The following MYO16 variants were observed in gnomAD, a reference collection of about 807,000 sequenced individuals.
MYO16 encodes unconventional myosin-XVI.
MYO16 carries 94 observed loss-of-function variants against 205.3 expected under a neutral mutation model. That is an observed-to-expected ratio of 0.46 (90% CI 0.39 to 0.54). The LOEUF (loss-of-function observed/expected upper bound fraction) is 0.54. MYO16 is among the 20% of genes least tolerant of loss of function. The pLI, the probability that MYO16 is intolerant of heterozygous loss-of-function variation, is 0.00. For synonymous variants in MYO16, 988 were observed against 954.0 expected (o/e 1.04, Z -0.66); for missense variants, 2,315 against 2,387.5 (o/e 0.97, Z 0.63).
At chr13:108,756,279 G>C (rs1187641950) in intron 4 of MYO16, among the ~76,000 whole-genome samples, 1 of 151,956 alleles carries the variant, frequency 6.6e-6, no homozygotes, top group Non-Finnish European at 1.5e-5. Flanking sequence ...ACTTTATGAA[G>C]TTTCTATAAT....
chr13:108,652,602 G>A (rs1453753107), intron 1 of MYO16, among the ~76,000 whole-genome samples: 3 of 152,082 alleles, frequency 2.0e-5, no homozygotes, highest in Non-Finnish European at 4.4e-5. Flanking sequence ...TCTACTTTCT[G>A]CTTCTGAGTT....
chr13:108,502,387 T>C, the MYO16 span, among the ~76,000 whole-genome samples: 5 of 152,230 alleles, frequency 3.3e-5, no homozygotes, highest in South Asian at 2.1e-4. Flanking sequence ...TTTTAAGTAA[T>C]GTAAGTAAAG....
chr13:109,039,450 T>C (rs1010328567), intron 23 of MYO16, among the ~76,000 whole-genome samples: 1 of 152,146 alleles, frequency 6.6e-6, no homozygotes, highest in African/African-American at 2.4e-5. Flanking sequence ...TGCTCGGCCG[T>C]AAAGCAAAAC....
At chr13:108,709,088 G>T (rs1883624937) in intron 2 of MYO16, among the ~76,000 whole-genome samples, 1 of 151,160 alleles carries the variant, frequency 6.6e-6, no homozygotes, top group Non-Finnish European at 1.5e-5. Flanking sequence ...CTTCCAAGCG[G>T]CAACACTATA....
chr13:109,065,983 G>A (rs993277418), intron 27 of MYO16, among the ~76,000 whole-genome samples: 1 of 152,192 alleles, frequency 6.6e-6, no homozygotes, highest in Non-Finnish European at 1.5e-5. Flanking sequence ...GTGAGGGACC[G>A]TGAGCTGTGT....
chr13:109,018,974 GT>G (rs1555324514), intron 22 of MYO16, among the ~76,000 whole-genome samples: 143 of 131,592 alleles, frequency 1.1e-3, no homozygotes, highest in African/African-American at 2.8e-3. Flanking sequence ...TTTTTTTTTT[GT>G]TTTTTTTTTT....
At chr13:108,944,871 A>C (rs141239464) in intron 16 of MYO16, among the ~76,000 whole-genome samples, 1 of 152,282 alleles carries the variant, frequency 6.6e-6, no homozygotes, top group East Asian at 1.9e-4. Context: ...CTAAATAGGA[A>C]CAATATTGCA....
At chr13:108,565,563 G>A in the MYO16 span, among the ~76,000 whole-genome samples, 2 of 151,962 alleles carry the variant, frequency 1.3e-5, no homozygotes, top group Non-Finnish European at 2.9e-5. Flanking sequence ...TATCAGTTCT[G>A]GTAGGTTTTT....
chr13:108,704,458 A>C (rs1883427149), intron 2 of MYO16, among the ~76,000 whole-genome samples: 1 of 152,290 alleles, frequency 6.6e-6, no homozygotes, highest in South Asian at 2.1e-4. Context: ...TATGTAACAA[A>C]CCTGCATGTT....
intron 4 of MYO16, among the ~76,000 whole-genome samples, chr13:108,763,689 C>T (rs1193711921): frequency 6.6e-6 from 1 of 151,856 alleles, no homozygotes; most frequent in Admixed American, 6.6e-5. Context: ...CCACGAGTTC[C>T]TTTTAGGATG....
chr13:109,007,848 A>AT (rs1323966113), intron 21 of MYO16, among the ~76,000 whole-genome samples: 1 of 152,138 alleles, frequency 6.6e-6, no homozygotes, highest in Non-Finnish European at 1.5e-5. Flanking sequence ...GTTGATTACT[A>AT]TTTCTGAAAG....
chr13:108,680,400 T>C (rs1357950388), intron 2 of MYO16, among the ~76,000 whole-genome samples: 2 of 152,244 alleles, frequency 1.3e-5, no homozygotes, highest in Admixed American at 6.5e-5. Context: ...TTTCCATTCA[T>C]CTTATTGAAT....
At chr13:108,825,096 T>C (rs560202885) in intron 9 of MYO16, among the ~76,000 whole-genome samples, 50 of 152,058 alleles carry the variant, frequency 3.3e-4, no homozygotes, top group African/African-American at 1.2e-3. Context: ...GATAAAAATA[T>C]CAGATAAAAA....
At chr13:108,885,830 G>A (rs1003187612) in intron 13 of MYO16, among the ~76,000 whole-genome samples, 6 of 152,160 alleles carry the variant, frequency 3.9e-5, no homozygotes, top group Non-Finnish European at 7.4e-5. Context: ...AGGCCCATGC[G>A]CTTTGGGAGT....
chr13:108,793,066 G>A (rs995980698), intron 5 of MYO16, among the ~76,000 whole-genome samples: 5 of 152,020 alleles, frequency 3.3e-5, no homozygotes, highest in Non-Finnish European at 4.4e-5. Context: ...GGAGGATCAC[G>A]AGGTCAGGAT....
intron 27 of MYO16, among the ~76,000 whole-genome samples, chr13:109,089,959 C>A (rs192851298): frequency 6.6e-6 from 1 of 152,180 alleles, no homozygotes; most frequent in African/African-American, 2.4e-5. Flanking sequence ...CCTGGGGCTG[C>A]GAGGCAGCCC....
chr13:108,633,427 T>A (rs1880078545), intron 1 of MYO16, among the ~76,000 whole-genome samples: 1 of 152,156 alleles, frequency 6.6e-6, no homozygotes. Flanking sequence ...GAGTCTGATG[T>A]TCAAGGGCAG....
In MYO16 at chr13:108,806,714, G is replaced by C; in HGVS notation, c.777G>C (p.Val259=). 6.2e-7 allele frequency: 1 copy of C among 1,613,074 alleles called. No homozygotes were observed. The highest frequency in any genetic ancestry group is 8.5e-7 in the Non-Finnish European group (1 of 1,179,294). ...CGTGTGCGAGTGGCTACAAGGAGGT[G>C]GTGTCTCTTATCCTGGAACATGGTG... The part of the protein sequence containing the change: ...HMACASGYKE[V]VSLILEHGGD... Residue 259 remains valine (V), a synonymous_variant, in exon 7 of 35, where the codon GTG becomes GTC. Coordinates refer to ENST00000457511, the MANE Select transcript of MYO16 (RefSeq NM_001198950.3).
chr13:109,035,458 T>C (rs949299747), intron 23 of MYO16, among the ~76,000 whole-genome samples: 1 of 152,102 alleles, frequency 6.6e-6, no homozygotes, highest in Non-Finnish European at 1.5e-5. Flanking sequence ...CTGAAGCAGA[T>C]GAATCACTTG....
Sources: gnomAD v4.1 joint callset for allele counts (sites outside exome capture counted in the v4.1 genomes callset) on GRCh38, gnomAD v4.1.1 for gene constraint, MANE v1.5 for transcripts, NCBI Gene and HGNC (gene_info 2026-07-23, HGNC 2026-07-21) for gene names.